FNDC3A: variants seen among roughly 807,000 people sequenced by gnomAD.
FNDC3A encodes the protein fibronectin type-III domain-containing protein 3A.
Under a neutral mutation model 148.9 loss-of-function variants are expected in FNDC3A, and 32 were observed. The observed-to-expected ratio is 0.21, with a 90% CI of 0.16 to 0.29. The LOEUF is 0.29. Ranked by LOEUF, FNDC3A falls within the 10% of genes least tolerant of loss-of-function variation. The pLI is 1.00. For missense variants in FNDC3A, 1,191 were observed against 1,452.8 expected, an observed-to-expected ratio of 0.82 and a Z score of 2.93; for synonymous variants, 472 against 473.6, an observed-to-expected ratio of 1.00 and a Z score of 0.04.
intron 2 of FNDC3A, among the ~76,000 whole-genome samples, chr13:49,074,061 A>G (rs192125762): frequency 1.9e-3 from 292 of 152,050 alleles, no homozygotes; most frequent in African/African-American, 6.7e-3. Context: ...AGGGCATTCG[A>G]AGTAGTATTA....
At chr13:48,976,475 C>T (rs1483711025) in intron 1 of FNDC3A, 1 of 153,168 alleles carries the variant, frequency 6.5e-6, no homozygotes, top group Non-Finnish European at 1.5e-5. Context: ...CCATCCAGCC[C>T]AAGAGGAGGC....
intron 2 of FNDC3A, among the ~76,000 whole-genome samples, chr13:49,042,251 G>A (rs1458789551): frequency 1.3e-5 from 2 of 152,042 alleles, no homozygotes; most frequent in South Asian, 2.1e-4. Flanking sequence ...TCCTTGGGAC[G>A]AAAAACCCCA....
At chr13:49,012,393 T>C (rs1281336699) in intron 2 of FNDC3A, among the ~76,000 whole-genome samples, 2 of 152,184 alleles carry the variant, frequency 1.3e-5, no homozygotes, top group Non-Finnish European at 2.9e-5. Flanking sequence ...TATGGATTTT[T>C]AATTCTCTTT....
intron 20 of FNDC3A, among the ~76,000 whole-genome samples, chr13:49,197,523 G>A (rs2138125622): frequency 6.6e-6 from 1 of 150,926 alleles, no homozygotes; most frequent in East Asian, 1.9e-4. Flanking sequence ...ATTCAAAACA[G>A]TTATATATTT....
chr13:49,156,614 C>A (rs1883707835), intron 8 of FNDC3A, among the ~76,000 whole-genome samples: 1 of 150,884 alleles, frequency 6.6e-6, no homozygotes, highest in South Asian at 2.1e-4. Flanking sequence ...TCTTCCTATT[C>A]TCGATGGTCT....
chr13:49,153,459 T>G (rs937824913), intron 8 of FNDC3A, among the ~76,000 whole-genome samples: 2 of 152,022 alleles, frequency 1.3e-5, no homozygotes, highest in African/African-American at 4.8e-5. Context: ...TTTCTCCCAT[T>G]TTGTAGGTTG....
At chr13:49,071,271 C>T (rs974336418) in intron 2 of FNDC3A, among the ~76,000 whole-genome samples, 2 of 152,072 alleles carry the variant, frequency 1.3e-5, no homozygotes, top group African/African-American at 4.8e-5. Flanking sequence ...TTTATCCATT[C>T]ATCCATTGAT....
chr13:49,196,329 AAAATTT>A lies in FNDC3A; in HGVS notation c.2227-547_2227-542del, dbSNP rs1886151597. On this transcript the variant is annotated intron_variant, in intron 19 of 25. Coordinates refer to ENST00000492622, the MANE Select transcript of FNDC3A (RefSeq NM_001079673.2). ...GGGAAGGAATTTGCCAATACTGAAT[AAAATTT>A]TTTATATTCCGGGTAATGTATGTTA... is the stretch of plus-strand genomic sequence containing the variant. Among the ~76,000 whole-genome samples the A allele has an allele frequency of 2.0e-5, 3 of 152,292 alleles. No homozygotes were observed. The South Asian group carries it at 6.2e-4, about 32-fold the overall frequency.
chr13:49,134,196 TC>T (rs1882195314), intron 5 of FNDC3A, among the ~76,000 whole-genome samples: 1 of 152,216 alleles, frequency 6.6e-6, no homozygotes, highest in Admixed American at 6.5e-5. Context: ...TTCCTTCACA[TC>T]CCATGATCTA....
At chr13:49,169,880 GTA>G (rs1419588145) in intron 10 of FNDC3A, among the ~76,000 whole-genome samples, 2 of 152,098 alleles carry the variant, frequency 1.3e-5, no homozygotes, top group African/African-American at 4.8e-5. Context: ...TGATAAAAAA[GTA>G]TGACTAATTT....
At chr13:49,085,446 A>G (rs548657430) in intron 3 of FNDC3A, among the ~76,000 whole-genome samples, 108 of 152,302 alleles carry the variant, frequency 7.1e-4, no homozygotes, top group African/African-American at 2.5e-3. Flanking sequence ...TAGAGTCCTC[A>G]TGCAAGTAAG....
chr13:49,050,611 A>G (rs987674258), intron 2 of FNDC3A, among the ~76,000 whole-genome samples: 1 of 152,188 alleles, frequency 6.6e-6, no homozygotes, highest in African/African-American at 2.4e-5. Context: ...CAGAATGTAT[A>G]TTCTGCAGTT....
chr13:49,175,586 C>T (rs780572302), intron 13 of FNDC3A, 45 bp downstream of exon 13: 2 of 1,351,280 alleles, frequency 1.5e-6, no homozygotes, highest in South Asian at 2.8e-5. Flanking sequence ...AAAACATTTT[C>T]AGCTTAAGGA....
intron 7 of FNDC3A, among the ~76,000 whole-genome samples, chr13:49,141,370 C>G (rs1882679887): frequency 6.6e-6 from 1 of 152,106 alleles, no homozygotes. Flanking sequence ...TTAAATGTGT[C>G]ATGCCTTTTA....
rs781479381 is a variant in FNDC3A at position 49,075,373 on chromosome 13, G to A, written c.175+9G>A. 1.3e-6 allele frequency: 2 copies of A among 1,523,906 alleles called. No homozygotes were observed. Among genetic ancestry groups the A allele is most frequent in the African/African-American group, 1.4e-5 (1 of 72,846 alleles). The allele number at this position is 1,523,906 out of a possible 1,614,324, so 94.4% of individuals were successfully genotyped here. On this transcript the variant is annotated intron_variant, in intron 3 of 25. Coordinates refer to ENST00000492622, the MANE Select transcript of FNDC3A (RefSeq NM_001079673.2). ...GTTTCAGTGCATTACAGGTAAGAATGGTAATTGAGAATAATCATTTGAGAC... is the reference window on the plus strand; with the variant it reads ...GTTTCAGTGCATTACAGGTAAGAATAGTAATTGAGAATAATCATTTGAGAC...
chr13:49,188,721 C>T (rs1885721344), intron 17 of FNDC3A, 88 bp downstream of exon 17: 1 of 806,048 alleles, frequency 1.2e-6, no homozygotes, highest in South Asian at 1.5e-5. Context: ...AATATTGAAA[C>T]ATATCCACAA....
At chr13:49,203,979 G>T (rs1886534062) in intron 25 of FNDC3A, among the ~76,000 whole-genome samples, 1 of 152,156 alleles carries the variant, frequency 6.6e-6, no homozygotes, top group Non-Finnish European at 1.5e-5. Context: ...TTTGACCAGG[G>T]TATTCACGTG....
chr13:49,186,665 C>T (rs984524545), intron 15 of FNDC3A, among the ~76,000 whole-genome samples: 3 of 152,096 alleles, frequency 2.0e-5, no homozygotes, highest in Admixed American at 6.5e-5. Context: ...GTCAGGAGTT[C>T]GAGACCAGCC....
At chr13:49,100,073 A>G (rs1879767929) in intron 3 of FNDC3A, among the ~76,000 whole-genome samples, 1 of 152,164 alleles carries the variant, frequency 6.6e-6, no homozygotes, top group African/African-American at 2.4e-5. Context: ...GGTATAGCTA[A>G]GAAATTAAAA....
Sources: allele counts gnomAD v4.1 joint callset (sites outside exome capture counted in the v4.1 genomes callset), GRCh38; gene constraint gnomAD v4.1.1; transcripts MANE v1.5; gene names NCBI Gene and HGNC (gene_info 2026-07-23, HGNC 2026-07-21).